Variants in AGO3 observed in about 807,000 individuals in gnomAD.
AGO3 encodes the protein protein argonaute-3.
AGO3 carries 16 observed loss-of-function variants against 105.5 expected under a neutral mutation model. The observed-to-expected ratio is 0.15, with a 90% CI of 0.10 to 0.23. The LOEUF is 0.23. AGO3 is among the 10% of genes least tolerant of loss of function. AGO3 has a pLI of 1.00. For synonymous variants in AGO3, 340 were observed against 367.3 expected (o/e 0.93, Z 0.85); for missense variants, 534 against 1,088.0 (o/e 0.49, Z 7.16).
At chr1:36,048,289 TTCAA>T (rs139653844) in intron 17 of AGO3, among the ~76,000 whole-genome samples, 2,328 of 152,032 alleles carry the variant, frequency 0.015, 47 homozygotes, top group African/African-American at 0.053. Context: ...GTCTCAATCA[TTCAA>T]TCAATCAATC....
chr1:36,005,924 G>A (rs1640313083), intron 6 of AGO3: 3 of 978,608 alleles, frequency 3.1e-6, no homozygotes, highest in African/African-American at 1.8e-5. Flanking sequence ...TGGATGGAGG[G>A]TTTGGGGAGG....
At chr1:35,954,770 G>C (rs1364428085) in intron 2 of AGO3, among the ~76,000 whole-genome samples, 1 of 152,222 alleles carries the variant, frequency 6.6e-6, no homozygotes, top group Non-Finnish European at 1.5e-5. Context: ...TGATGAAAGA[G>C]TAATGATTCC....
chr1:35,943,233 C>G (rs1483926928), intron 1 of AGO3, among the ~76,000 whole-genome samples: 1 of 151,730 alleles, frequency 6.6e-6, no homozygotes, highest in African/African-American at 2.4e-5. Context: ...TTCTCGAACT[C>G]CTGACCTCAA....
At chr1:35,931,586 C>T (rs1411583765) in intron 1 of AGO3, 141 bp downstream of exon 1, 8 of 945,964 alleles carry the variant, frequency 8.5e-6, no homozygotes, top group Non-Finnish European at 1.0e-5. Context: ...CGCCCTGCTC[C>T]TCCGCGACCT....
At chr1:35,990,764 C>T (rs1647564589) in intron 5 of AGO3, among the ~76,000 whole-genome samples, 1 of 152,060 alleles carries the variant, frequency 6.6e-6, no homozygotes, top group Non-Finnish European at 1.5e-5. Flanking sequence ...ATTAGTGTTG[C>T]TTACTTCATG....
intron 1 of AGO3, among the ~76,000 whole-genome samples, chr1:35,943,180 A>AT (rs1229328756): frequency 6.6e-6 from 1 of 150,464 alleles, no homozygotes; most frequent in Non-Finnish European, 1.5e-5. Context: ...ATTTTTTTGT[A>AT]TTTTTTTGGT....
intron 11 of AGO3, among the ~76,000 whole-genome samples, chr1:36,020,581 G>C (rs921838939): frequency 6.6e-6 from 1 of 152,012 alleles, no homozygotes; most frequent in African/African-American, 2.4e-5. Context: ...ATTTGCTTGT[G>C]AAGTTATTTT....
intron 5 of AGO3, among the ~76,000 whole-genome samples, chr1:35,993,745 T>C (rs1203617614): frequency 1.5e-5 from 2 of 133,580 alleles, no homozygotes; most frequent in Non-Finnish European, 3.2e-5. Flanking sequence ...CTGCTTTTTT[T>C]TTTTTTTTTT....
In AGO3 at chr1:35,966,988, A is replaced by G; in HGVS notation, c.225A>G (p.Lys75=). 1 of 1,613,404 alleles carries G rather than the reference A, an allele frequency of 6.2e-7. No homozygotes were observed. The highest frequency in any genetic ancestry group is 8.5e-7 in the Non-Finnish European group (1 of 1,179,744). ...TTGACTCAATGGTTCAGCATTTTAA[A>G]GTAACTATATTTGGAGACCGTAGAC... ...EVVDSMVQHF[K]VTIFGDRRPV... is the part of the protein sequence containing the mutation. The change falls in exon 3 of 19, where the codon AAA becomes AAG. Residue 75 remains lysine (K), a synonymous_variant. Coordinates refer to ENST00000373191, the MANE Select transcript of AGO3 (RefSeq NM_024852.4).
rs190238335 is a variant in AGO3 at position 35,979,180 on chromosome 1, C to T, written c.658+5669C>T. On this transcript the variant is annotated intron_variant, in intron 5 of 18. Coordinates refer to ENST00000373191, the MANE Select transcript of AGO3 (RefSeq NM_024852.4). ...GAGATTGAGACCATCCTGGCTAACA[C>T]GGTGAAACCCCATCTCTACTAAAAA... Among the ~76,000 whole-genome samples, 77 of 152,072 alleles carry T rather than the reference C, an allele frequency of 5.1e-4. 1 individual carries two copies. In the East Asian group the frequency reaches 0.013, roughly 26 times the overall value.
At chr1:35,952,747 AGCTTAGATGTGTATATG>A (rs1222799596) in intron 2 of AGO3, among the ~76,000 whole-genome samples, 11 of 152,202 alleles carry the variant, frequency 7.2e-5, no homozygotes, top group South Asian at 2.1e-4. Context: ...CATACCATAT[AGCTTAGATGTGTATATG>A]GCTTAGATGT....
intron 5 of AGO3, among the ~76,000 whole-genome samples, chr1:35,996,995 C>T (rs1216334448): frequency 4.6e-5 from 7 of 152,000 alleles, no homozygotes; most frequent in South Asian, 2.1e-4. Context: ...AATAGTTTGG[C>T]GGCCAGACGC....
At chr1:36,053,279 T>G (rs1262759556) in intron 17 of AGO3, among the ~76,000 whole-genome samples, 1 of 151,996 alleles carries the variant, frequency 6.6e-6, no homozygotes, top group Non-Finnish European at 1.5e-5. Context: ...TTTTTATTTT[T>G]ATTTATTTAT....
At chr1:36,010,221 G>A (rs1182425380) in intron 9 of AGO3, among the ~76,000 whole-genome samples, 2 of 151,920 alleles carry the variant, frequency 1.3e-5, no homozygotes, top group Non-Finnish European at 2.9e-5. Context: ...TTACAGGCGT[G>A]AGCCACCGCA....
intron 5 of AGO3, among the ~76,000 whole-genome samples, chr1:36,002,571 G>A (rs1640136275): frequency 6.6e-6 from 1 of 151,584 alleles, no homozygotes; most frequent in Non-Finnish European, 1.5e-5. Context: ...AGCTCAGGCA[G>A]TCCACCCGCC....
In AGO3 at chr1:35,973,676, A is replaced by G. The variant is rs537725215; in HGVS notation, c.658+165A>G. On this transcript the variant is annotated intron_variant, in intron 5 of 18. Coordinates refer to ENST00000373191, the MANE Select transcript of AGO3 (RefSeq NM_024852.4). The stretch of plus-strand genomic sequence containing the variant: ...TATATTTTTATTACATTTCATTTAG[A>G]AAGCCTGTAGAATTTACCTTGGAAT... 2.4e-4 allele frequency: 191 copies of G among 803,516 alleles called. 1 individual carries two copies. The African/African-American group carries it at 3.3e-3, about 14-fold the overall frequency. 49.8% of individuals were successfully genotyped at this position (803,516 alleles called of 1,614,324 possible).
chr1:36,019,404 A>G (rs1641093434), intron 11 of AGO3, among the ~76,000 whole-genome samples: 1 of 152,210 alleles, frequency 6.6e-6, no homozygotes, highest in African/African-American at 2.4e-5. Flanking sequence ...AGTTTTGCCT[A>G]ATGCTCTTAT....
chr1:36,024,174 T>C (rs1175884069), intron 11 of AGO3, among the ~76,000 whole-genome samples: 1 of 149,492 alleles, frequency 6.7e-6, no homozygotes, highest in Non-Finnish European at 1.5e-5. Flanking sequence ...GATCTCACTC[T>C]GTTGCCCAGG....
intron 17 of AGO3, among the ~76,000 whole-genome samples, chr1:36,053,706 C>T (rs957080825): frequency 3.3e-5 from 5 of 150,034 alleles, no homozygotes; most frequent in Admixed American, 6.7e-5. Context: ...AGCCTCCCAC[C>T]TAGCTGGGAC....
Sources: gnomAD v4.1 joint callset for allele counts (sites outside exome capture counted in the v4.1 genomes callset) on GRCh38, gnomAD v4.1.1 for gene constraint, MANE v1.5 for transcripts, NCBI Gene and HGNC (gene_info 2026-07-23, HGNC 2026-07-21) for gene names.